The following TMEM181 variants were observed in gnomAD, a reference collection of about 807,000 sequenced individuals.
TMEM181 encodes the protein G protein-coupled receptor 178.
In TMEM181, 39 loss-of-function variants were observed where a neutral mutation model predicts 71.9. That is an observed-to-expected ratio of 0.54 (90% CI 0.42 to 0.71). TMEM181 has a LOEUF of 0.71. Among genes scored for constraint, TMEM181 ranks in the 30% least tolerant of loss-of-function variants. The pLI is 0.00. For synonymous variants in TMEM181, 245 were observed against 228.8 expected, an observed-to-expected ratio of 1.07 and a Z score of -0.64; for missense variants, 595 against 583.0, an observed-to-expected ratio of 1.02 and a Z score of -0.21.
intron 2 of TMEM181, 95 bp from the exon 3 acceptor site, chr6:158,580,845 C>T (rs889433628): frequency 2.8e-5 from 31 of 1,118,418 alleles, no homozygotes; most frequent in African/African-American, 9.2e-5. Flanking sequence ...AGGTCATCTC[C>T]GTGTAATGTG....
chr6:158,587,311 C>T (rs1030599149), intron 5 of TMEM181, among the ~76,000 whole-genome samples: 15 of 152,122 alleles, frequency 9.9e-5, no homozygotes, highest in African/African-American at 2.4e-4. Context: ...GGCCCTTCAG[C>T]GCATCTTCAT....
At position 158,631,793 on chromosome 6, in the gene TMEM181, G is replaced by T; in HGVS notation, c.1350-17G>T. Reference sequence around the variant, plus strand: ...CTGTCAGAAGTTAGACGGTCTCAAAGGTCTCTTTGCTCACAGGAGTGACTA... The same window carrying T: ...CTGTCAGAAGTTAGACGGTCTCAAATGTCTCTTTGCTCACAGGAGTGACTA... On this transcript the variant is annotated splice_polypyrimidine_tract_variant and intron_variant, in intron 16 of 16. Coordinates refer to ENST00000684151, the MANE Select transcript of TMEM181 (RefSeq NM_001376852.1). 6.3e-7 allele frequency: 1 copy of T among 1,587,684 alleles called. No homozygotes were observed. The highest frequency in any genetic ancestry group is 1.1e-5 in the South Asian group (1 of 87,142).
intron 6 of TMEM181, among the ~76,000 whole-genome samples, chr6:158,598,306 C>G (rs536656273): frequency 1.7e-3 from 257 of 152,270 alleles, no homozygotes; most frequent in African/African-American, 5.9e-3. Context: ...TTTTTCGGGC[C>G]GAGTTTTGAT....
chr6:158,600,386 G>A (rs1784603195), intron 6 of TMEM181, among the ~76,000 whole-genome samples: 1 of 151,432 alleles, frequency 6.6e-6, no homozygotes, highest in Non-Finnish European at 1.5e-5. Context: ...CTGACCTCAG[G>A]CGATCCACCC....
chr6:158,612,541 C>T (rs1785392100), intron 10 of TMEM181, among the ~76,000 whole-genome samples: 1 of 152,148 alleles, frequency 6.6e-6, no homozygotes. Context: ...AGGAGAGGGC[C>T]CAGGAATGGG....
intron 6 of TMEM181, among the ~76,000 whole-genome samples, chr6:158,590,670 GC>G (rs1462000644): frequency 3.3e-5 from 5 of 152,196 alleles, no homozygotes; most frequent in South Asian, 4.1e-4. Flanking sequence ...CACCATGTTG[GC>G]CAGGATGGTC....
At chr6:158,589,595 C>T (rs954426759) in intron 5 of TMEM181, 77 bp from the exon 6 acceptor site, 11 of 1,107,662 alleles carry the variant, frequency 9.9e-6, no homozygotes, top group Middle Eastern at 3.9e-4. Flanking sequence ...GCTGTTGAAA[C>T]GTGTTACTTC....
chr6:158,580,438 C>A (rs563321361), intron 2 of TMEM181, among the ~76,000 whole-genome samples: 1 of 152,112 alleles, frequency 6.6e-6, no homozygotes, highest in East Asian at 1.9e-4. Flanking sequence ...CTATGAGGTT[C>A]GTATACCTAT....
At chr6:158,563,437 C>T (rs1446287726) in intron 1 of TMEM181, among the ~76,000 whole-genome samples, 1 of 152,208 alleles carries the variant, frequency 6.6e-6, no homozygotes, top group Non-Finnish European at 1.5e-5. Context: ...AGCCACCACG[C>T]TTGGCCAGGA....
intron 6 of TMEM181, among the ~76,000 whole-genome samples, chr6:158,600,887 G>A (rs1784631293): frequency 6.6e-6 from 1 of 152,200 alleles, no homozygotes; most frequent in East Asian, 1.9e-4. Flanking sequence ...TAAGAGTTAC[G>A]GTTCCTTGAG....
intron 2 of TMEM181, 84 bp downstream of exon 2, chr6:158,573,607 C>A: frequency 8.8e-7 from 1 of 1,136,174 alleles, no homozygotes; most frequent in Non-Finnish European, 1.3e-6. Context: ...AGCTGTGCCC[C>A]TATCTTCCAC....
At chr6:158,591,656 T>C (rs546733826) in intron 6 of TMEM181, among the ~76,000 whole-genome samples, 245 of 152,148 alleles carry the variant, frequency 1.6e-3, no homozygotes, top group African/African-American at 5.8e-3. Flanking sequence ...TAGACTTTGC[T>C]ATTTCAGAAT....
intron 1 of TMEM181, among the ~76,000 whole-genome samples, chr6:158,540,958 C>T (rs1364930687): frequency 1.3e-5 from 2 of 152,136 alleles, no homozygotes; most frequent in African/African-American, 2.4e-5. Context: ...TTCGTAGAGA[C>T]GAGGTCTCAC....
At chr6:158,581,099 C>A in intron 3 of TMEM181, 104 bp downstream of exon 3, 1 of 1,101,182 alleles carries the variant, frequency 9.1e-7, no homozygotes, top group Non-Finnish European at 1.3e-6. Context: ...CTTCCCTTGC[C>A]TTGCGGCTTC....
chr6:158,605,279 A>C lies in TMEM181; in HGVS notation c.505A>C (p.Asn169His). ...KGMNFTWKTYNPAFSRLEIWF... is the reference protein window; with the variant it reads ...KGMNFTWKTYHPAFSRLEIWF... ...CTTTCTATTTTAGTGGAAGACTTAT[A>C]ACCCTGCCTTCTCCCGGTTGGAAAT... is the stretch of plus-strand genomic sequence containing the variant. The change falls in exon 7 of 17, where the codon AAC (asparagine) becomes CAC (histidine). Residue 169 changes from asparagine (N) to histidine (H), a missense_variant. Transcript: ENST00000684151. The C allele has an allele frequency of 6.2e-7, 1 of 1,613,962 alleles. No individual in the cohort carries two copies. The highest frequency in any genetic ancestry group is 8.5e-7 in the Non-Finnish European group (1 of 1,179,952).
chr6:158,612,690 T>C (rs1225780682), intron 10 of TMEM181, among the ~76,000 whole-genome samples: 1 of 152,230 alleles, frequency 6.6e-6, no homozygotes, highest in Non-Finnish European at 1.5e-5. Context: ...AGAAGCAACA[T>C]TTCTTTCCCA....
intron 15 of TMEM181, among the ~76,000 whole-genome samples, chr6:158,630,828 G>A (rs1371159694): frequency 2.8e-5 from 4 of 142,152 alleles, no homozygotes; most frequent in Middle Eastern, 3.6e-3. Flanking sequence ...GCAGCCCCCC[G>A]CACCCCCCGA....
At position 158,629,731 on chromosome 6, in the gene TMEM181, A is replaced by G. The variant is rs199504572; in HGVS notation, c.1194A>G (p.Ser398=). 79 of 1,605,892 alleles carry G rather than the reference A, an allele frequency of 4.9e-5. No homozygotes were observed. The highest frequency in any genetic ancestry group is 6.3e-5 in the Non-Finnish European group (74 of 1,175,568). Residue 398 remains serine (S), a splice_region_variant and synonymous_variant, in exon 15 of 17, where the codon TCA becomes TCG. Transcript: ENST00000684151. ...CGTTCCTTCCCTTGACAGCACCACC[A>G]GCCGAGTTCTTATCTTTCTATGGCC... The part of the protein sequence containing the change: ...VAELSTHYQN[S]AEFLSFYGLL...
chr6:158,602,742 A>AT (rs1026842333), intron 6 of TMEM181, among the ~76,000 whole-genome samples: 1 of 151,896 alleles, frequency 6.6e-6, no homozygotes, highest in African/African-American at 2.4e-5. Context: ...ATGCTGGCTA[A>AT]TTTTTTTATT....
Sources: allele counts gnomAD v4.1 joint callset (sites outside exome capture counted in the v4.1 genomes callset), GRCh38; gene constraint gnomAD v4.1.1; transcripts MANE v1.5; gene names NCBI Gene and HGNC (gene_info 2026-07-23, HGNC 2026-07-21).